SHOX: variants seen among roughly 807,000 people sequenced by gnomAD.
SHOX encodes short stature homeobox protein.
Under a neutral mutation model 29.6 loss-of-function variants are expected in SHOX, and 12 were observed. The ratio of observed to expected loss-of-function variants is 0.41; its 90% CI spans 0.26 to 0.66. The LOEUF (loss-of-function observed/expected upper bound fraction) is 0.66. Ranked by LOEUF, SHOX falls within the 30% of genes least tolerant of loss-of-function variation. The pLI is 0.35. For missense variants in SHOX, 499 were observed against 437.7 expected (o/e 1.14, Z -1.25); for synonymous variants, 214 against 200.6 (o/e 1.07, Z -0.57).
In SHOX at chrX:648,992, C is replaced by T. The variant is rs2053009819; in HGVS notation, c.*4356C>T. 1.4e-5 allele frequency among the ~76,000 whole-genome samples: 2 copies of T among 140,840 alleles called. No individual in the cohort carries two copies. Among genetic ancestry groups the T allele is most frequent in the East Asian group, 4.2e-4 (2 of 4,802 alleles). 92.4% of individuals were successfully genotyped at this position (140,840 alleles called of 152,430 possible). ...TTTTTATCTTTCTCTCTTTTTCTTTCTCTTTTCCTTTTTTGTTTCTTTCTT... is the reference window on the plus strand; with the variant it reads ...TTTTTATCTTTCTCTCTTTTTCTTTTTCTTTTCCTTTTTTGTTTCTTTCTT... On this transcript the variant is annotated 3_prime_UTR_variant, in exon 5 of 5. Coordinates refer to ENST00000686671, the MANE Select transcript of SHOX (RefSeq NM_000451.4).
intron 2 of SHOX, among the ~76,000 whole-genome samples, chrX:638,631 C>T (rs1321731149): frequency 6.6e-6 from 1 of 152,168 alleles, no homozygotes. Flanking sequence ...AAGCCAGTTC[C>T]GAAAGCTGGG....
intron 2 of SHOX, among the ~76,000 whole-genome samples, chrX:640,393 C>A (rs1386201951): frequency 2.6e-5 from 4 of 151,830 alleles, no homozygotes; most frequent in Admixed American, 6.6e-5. Context: ...GCCTGGCCAA[C>A]ATGGTGAAAC....
At chrX:631,686 C>G (rs1200729628) in intron 1 of SHOX, among the ~76,000 whole-genome samples, 1 of 152,196 alleles carries the variant, frequency 6.6e-6, no homozygotes. Flanking sequence ...CATGCACCAC[C>G]ACGCCTGGCT....
Position 634,752 on chromosome X carries a change from G to C in SHOX, c.412G>C (p.Glu138Gln). 6.2e-7 allele frequency: 1 copy of C among 1,611,690 alleles called. No homozygotes were observed. The highest frequency in any genetic ancestry group is 8.5e-7 in the Non-Finnish European group (1 of 1,179,022). Residue 138 changes from glutamate (E) to glutamine (Q), a missense_variant, in exon 2 of 5, where the codon GAG becomes CAG. Coordinates refer to ENST00000686671, the MANE Select transcript of SHOX (RefSeq NM_000451.4). ...GAACGAGCTCGAGCGACTCTTCGAC[G>C]AGACCCATTACCCCGACGCCTTCAT... is the stretch of plus-strand genomic sequence containing the variant. ...QLNELERLFD[E>Q]THYPDAFMRE...
chrX:644,464 C>T lies in SHOX; in HGVS notation c.707C>T (p.Ala236Val). The change falls in exon 5 of 5, where the codon GCG becomes GTG. Residue 236 changes from alanine to valine, a missense_variant. Physicochemically the swap from Ala to Val is moderately conservative, Grantham distance 64. Transcript: ENST00000686671. ...CTGCACCCGCACCTGGCGGCGCACG[C>T]GCCCTACCTGATGTTCCCCCCGCCG... ...PHLHPHLAAH[A>V]PYLMFPPPPF... The T allele has an allele frequency of 1.3e-6, 2 of 1,525,178 alleles. No individual in the cohort carries two copies. The highest frequency in any genetic ancestry group is 1.7e-6 in the Non-Finnish European group (2 of 1,143,660). The allele number at this position is 1,525,178 out of a possible 1,614,324, so 94.5% of individuals were successfully genotyped here.
At chrX:631,678 T>C (rs769122133) in intron 1 of SHOX, among the ~76,000 whole-genome samples, 4 of 152,240 alleles carry the variant, frequency 2.6e-5, no homozygotes, top group Admixed American at 2.0e-4. Flanking sequence ...ATTACAGGCA[T>C]GCACCACCAC....
At chrX:636,947 A>AATATATAT (rs909293156) in intron 2 of SHOX, among the ~76,000 whole-genome samples, 2 of 78,954 alleles carry the variant, frequency 2.5e-5, no homozygotes, top group South Asian at 8.1e-4. Context: ...TTCATTTAAA[A>AATATATAT]ATATATATAT....
In SHOX at chrX:649,811, A is replaced by G; in HGVS notation, c.*5175A>G. ...CCTCCTCTCCCCAAAACTTGGCCAAATAGTCCGTGGAGGGTTGTCAGTCGC... is the reference window on the plus strand; with the variant it reads ...CCTCCTCTCCCCAAAACTTGGCCAAGTAGTCCGTGGAGGGTTGTCAGTCGC... On this transcript the variant is annotated 3_prime_UTR_variant, in exon 5 of 5. Coordinates refer to ENST00000686671, the MANE Select transcript of SHOX (RefSeq NM_000451.4). 4.7e-6 allele frequency: 2 copies of G among 429,526 alleles called. No individual in the cohort carries two copies. Among genetic ancestry groups the G allele is most frequent in the Non-Finnish European group, 4.7e-6 (1 of 214,438 alleles). The allele number at this position is 429,526 out of a possible 1,614,324, so 26.6% of individuals were successfully genotyped here.
chrX:634,853 G>A (rs776690769), intron 2 of SHOX, 27 bp downstream of exon 2: 27 of 1,546,196 alleles, frequency 1.7e-5, no homozygotes, highest in South Asian at 2.4e-5. Flanking sequence ...GGGGGCGGGG[G>A]GCCCGGAGCC....
At chrX:632,340 G>A (rs1321927290) in intron 1 of SHOX, among the ~76,000 whole-genome samples, 3 of 152,230 alleles carry the variant, frequency 2.0e-5, no homozygotes, top group Non-Finnish European at 2.9e-5. Flanking sequence ...CTGGCCCCGG[G>A]GATCTCTGTG....
At position 649,905 on chromosome X, in the gene SHOX, ACTTTTCTCTCT is replaced by A. The variant is rs1320402739; in HGVS notation, c.*5283_*5293del. 68 of 455,964 alleles carry A rather than the reference ACTTTTCTCTCT, an allele frequency of 1.5e-4. No homozygotes were observed. Among genetic ancestry groups the A allele is most frequent in the African/African-American group, 1.1e-3 (56 of 50,162 alleles). The allele number at this position is 455,964 out of a possible 1,614,324, so 28.2% of individuals were successfully genotyped here. A position where few individuals can be genotyped will look rare whatever the true frequency, so the allele number is the denominator to read the frequency against. Reference sequence around the variant, plus strand: ...GGTGAAATCTGTTTCTGACATATCCACTTTTCTCTCTCTTTTCTCTCTCTCTGACTGCGAAG... The same window carrying A: ...GGTGAAATCTGTTTCTGACATATCCACTTTTCTCTCTCTCTGACTGCGAAG... On this transcript the variant is annotated 3_prime_UTR_variant, in exon 5 of 5. Coordinates refer to ENST00000686671, the MANE Select transcript of SHOX (RefSeq NM_000451.4).
intron 4 of SHOX, 54 bp downstream of exon 4, chrX:641,141 C>T: frequency 6.5e-7 from 1 of 1,530,608 alleles, no homozygotes; most frequent in East Asian, 2.2e-5. Flanking sequence ...GCTCCCTTCC[C>T]CTTTCCCCTA....
chrX:658,899 G>T, exon 6 of SHOX: 1 of 297,544 alleles, frequency 3.4e-6, no homozygotes, highest in Non-Finnish European at 6.9e-6. Flanking sequence ...CGAGTAGCTG[G>T]GATTACAGGT....
At chrX:658,644 G>A (rs1009528033) in intron 5 of SHOX, 2 of 169,836 alleles carry the variant, frequency 1.2e-5, no homozygotes, top group East Asian at 3.7e-4. Flanking sequence ...CTAATTTTTT[G>A]TATTTTTAGT....
Position 645,389 on chromosome X carries a change from T to G in SHOX, c.*753T>G, listed in dbSNP as rs1414161912. On this transcript the variant is annotated 3_prime_UTR_variant, in exon 5 of 5. Transcript: ENST00000686671. ...TGGGTCTGGTTTTGTTTTGGATTGG[T>G]ATTTTTTTTTTTTTTTTTTTTTTTT... The G allele has an allele frequency of 3.3e-5, 2 of 60,136 alleles. No individual in the cohort carries two copies. The highest frequency in any genetic ancestry group is 6.2e-5 in the Non-Finnish European group (2 of 32,454). 3.7% of individuals were successfully genotyped at this position (60,136 alleles called of 1,614,324 possible). A position where few individuals can be genotyped will look rare whatever the true frequency, so the allele number is the denominator to read the frequency against.
intron 1 of SHOX, among the ~76,000 whole-genome samples, chrX:631,690 C>T (rs2052653120): frequency 6.6e-6 from 1 of 152,186 alleles, no homozygotes; most frequent in African/African-American, 2.4e-5. Context: ...CACCACCACG[C>T]CTGGCTAATT....
chrX:656,049 A>G (rs2053141636), downstream of SHOX, among the ~76,000 whole-genome samples: 1 of 145,382 alleles, frequency 6.9e-6, no homozygotes, highest in Non-Finnish European at 1.5e-5. Flanking sequence ...GTGGTGACTC[A>G]TGCCTGTAAT....
Position 650,511 on chromosome X carries a change from T to C in SHOX, c.*5875T>C, listed in dbSNP as rs992776688. On this transcript the variant is annotated 3_prime_UTR_variant, in exon 5 of 5. Coordinates refer to ENST00000686671, the MANE Select transcript of SHOX (RefSeq NM_000451.4). ...TGAAGCCGAGACGGGTTTCAGGTTTTGGTGCCAAGCTCTGGTCAGGATGAA... is the reference window on the plus strand; with the variant it reads ...TGAAGCCGAGACGGGTTTCAGGTTTCGGTGCCAAGCTCTGGTCAGGATGAA... Among the ~76,000 whole-genome samples the C allele has an allele frequency of 5.3e-5, 8 of 152,088 alleles. No homozygotes were observed. Among genetic ancestry groups the C allele is most frequent in the African/African-American group, 1.9e-4 (8 of 41,422 alleles).
At chrX:626,164 C>T (rs1386304968), upstream of SHOX, among the ~76,000 whole-genome samples, 7 of 115,410 alleles carry the variant, frequency 6.1e-5, no homozygotes, top group African/African-American at 2.6e-4. Context: ...GTATCTCTAT[C>T]TCTGTCTCTC....
Sources: gnomAD v4.1 joint callset for allele counts (sites outside exome capture counted in the v4.1 genomes callset) on GRCh38, gnomAD v4.1.1 for gene constraint, MANE v1.5 for transcripts, NCBI Gene and HGNC (gene_info 2026-07-23, HGNC 2026-07-21) for gene names.